The following DENND2B variants were observed in gnomAD, a reference collection of about 807,000 sequenced individuals.
DENND2B encodes DENN domain containing 2B.
A neutral mutation model predicts 116.0 loss-of-function variants in DENND2B; 32 were observed. The ratio of observed to expected loss-of-function variants is 0.28; its 90% CI spans 0.21 to 0.37. The LOEUF is 0.37. DENND2B is among the 10% of genes least tolerant of loss of function. The pLI is 1.00. For missense variants in DENND2B, 1,276 were observed against 1,477.7 expected, an observed-to-expected ratio of 0.86 and a Z score of 2.24; for synonymous variants, 588 against 583.9, an observed-to-expected ratio of 1.01 and a Z score of -0.10.
intron 1 of DENND2B, among the ~76,000 whole-genome samples, chr11:8,894,273 T>TA (rs2064071512): frequency 1.3e-5 from 2 of 152,148 alleles, no homozygotes; most frequent in East Asian, 3.9e-4. Context: ...ACTTAAATGT[T>TA]CGACCTAAAA....
chr11:8,728,008 C>CACAT (rs1565746524), intron 3 of DENND2B, among the ~76,000 whole-genome samples: 1 of 110,046 alleles, frequency 9.1e-6, no homozygotes, highest in African/African-American at 3.5e-5. Flanking sequence ...CACACACACA[C>CACAT]GCAAATTTTT....
chr11:8,738,696 A>T lies in DENND2B; in HGVS notation c.81-7487T>A, dbSNP rs565369152. Among the ~76,000 whole-genome samples the T allele has an allele frequency of 1.7e-3, 253 of 152,206 alleles. 1 individual carries two copies. Among genetic ancestry groups the T allele is most frequent in the Middle Eastern group, 3.4e-3 (1 of 294 alleles). ...TTGATCCATCCTCTCATCTTCTGACATTTTCCCAAAATGAAAAACTGATCA... is the reference window on the plus strand; with the variant it reads ...TTGATCCATCCTCTCATCTTCTGACTTTTTCCCAAAATGAAAAACTGATCA... On this transcript the variant is annotated intron_variant, in intron 2 of 19. Coordinates refer to ENST00000313726, the MANE Select transcript of DENND2B (RefSeq NM_213618.2).
At chr11:8,769,290 T>C (rs1011075678) in intron 1 of DENND2B, among the ~76,000 whole-genome samples, 1 of 149,790 alleles carries the variant, frequency 6.7e-6, no homozygotes, top group Non-Finnish European at 1.5e-5. Flanking sequence ...TAGGCTGGAG[T>C]GCAGTGGTGC....
chr11:8,798,407 A>G (rs1247024106), intron 1 of DENND2B, among the ~76,000 whole-genome samples: 1 of 152,226 alleles, frequency 6.6e-6, no homozygotes, highest in Admixed American at 6.5e-5. Flanking sequence ...AATTAAAAAG[A>G]GAACAGACTG....
chr11:8,698,714 A>G (rs2040913301), intron 16 of DENND2B, among the ~76,000 whole-genome samples: 1 of 152,184 alleles, frequency 6.6e-6, no homozygotes, highest in African/African-American at 2.4e-5. Flanking sequence ...TGTTCTTCAA[A>G]TTCCCACACT....
chr11:8,738,732 T>G (rs912248103), intron 2 of DENND2B, among the ~76,000 whole-genome samples: 7 of 152,188 alleles, frequency 4.6e-5, no homozygotes, highest in African/African-American at 1.7e-4. Flanking sequence ...TGCTTGAAAC[T>G]CCTCATATCT....
chr11:8,788,942 T>C (rs982541474), intron 1 of DENND2B, among the ~76,000 whole-genome samples: 7 of 152,218 alleles, frequency 4.6e-5, no homozygotes, highest in African/African-American at 9.7e-5. Flanking sequence ...AAATCCATGA[T>C]TCATCACAAA....
At chr11:8,727,517 C>T (rs1039706079) in intron 3 of DENND2B, among the ~76,000 whole-genome samples, 1 of 152,134 alleles carries the variant, frequency 6.6e-6, no homozygotes, top group African/African-American at 2.4e-5. Context: ...TTTAAGTGTC[C>T]GGGTCTCTCA....
chr11:8,808,396 C>A (rs1182974799), intron 1 of DENND2B: 1 of 152,164 alleles, frequency 6.6e-6, no homozygotes, highest in Non-Finnish European at 1.5e-5. Flanking sequence ...CTCCTCTATA[C>A]TATATATAAA....
upstream of DENND2B, among the ~76,000 whole-genome samples, chr11:8,876,080 A>C (rs1322812078): frequency 6.6e-6 from 1 of 152,194 alleles, no homozygotes; most frequent in South Asian, 2.1e-4. Flanking sequence ...CAAGATCTTA[A>C]GAGAAGAATT....
chr11:8,801,875 T>C (rs920172480), intron 1 of DENND2B, among the ~76,000 whole-genome samples: 29 of 150,618 alleles, frequency 1.9e-4, no homozygotes, highest in African/African-American at 6.6e-4. Flanking sequence ...GTGGTGCACA[T>C]TTGTTACTCC....
At position 8,699,381 on chromosome 11, in the gene DENND2B, G is replaced by C; in HGVS notation, c.2730C>G (p.Ser910=). The change falls in exon 15 of 20, where the codon TCC becomes TCG. Residue 910 remains serine, a synonymous_variant. Coordinates refer to ENST00000313726, the MANE Select transcript of DENND2B (RefSeq NM_213618.2). ...IFVADKLSTL[S]SCSHAVVALL... ...AGGCCACCACCGCGTGGGAGCAGCT[G>C]GAGAGGGTACTGATGGGCAGACAGA... 1.2e-6 allele frequency: 2 copies of C among 1,602,674 alleles called. No homozygotes were observed. Among genetic ancestry groups the C allele is most frequent in the South Asian group, 2.2e-5 (2 of 89,614 alleles).
intron 2 of DENND2B, among the ~76,000 whole-genome samples, chr11:8,869,656 GA>G (rs768106640): frequency 1.1e-4 from 15 of 137,138 alleles, no homozygotes; most frequent in East Asian, 2.1e-4. Context: ...ACTCCGTCTC[GA>G]AAAAAAAAAA....
chr11:8,856,519 A>G (rs1461109694), intron 3 of DENND2B, among the ~76,000 whole-genome samples: 3 of 152,166 alleles, frequency 2.0e-5, no homozygotes, highest in Non-Finnish European at 4.4e-5. Flanking sequence ...GCTTGAGCAC[A>G]ACTTATCCGT....
chr11:8,752,695 T>C (rs2052767949), intron 1 of DENND2B, among the ~76,000 whole-genome samples: 1 of 152,156 alleles, frequency 6.6e-6, no homozygotes, highest in African/African-American at 2.4e-5. Flanking sequence ...GTACCATATA[T>C]TCTTAGCTAA....
chr11:8,763,445 A>T (rs74053172), intron 1 of DENND2B, among the ~76,000 whole-genome samples: 1 of 152,224 alleles, frequency 6.6e-6, no homozygotes, highest in African/African-American at 2.4e-5. Context: ...GAGAATGTGC[A>T]TAACAACACT....
At chr11:8,718,133 G>T in intron 4 of DENND2B, 1 of 38,766 alleles carries the variant, frequency 2.6e-5, no homozygotes, top group Non-Finnish European at 5.2e-5. Flanking sequence ...CCCCAGCCCA[G>T]CTCAGCCTGG....
At chr11:8,803,747 C>G (rs2060563005) in intron 1 of DENND2B, among the ~76,000 whole-genome samples, 1 of 152,120 alleles carries the variant, frequency 6.6e-6, no homozygotes, top group African/African-American at 2.4e-5. Flanking sequence ...CAGATGAAAA[C>G]AGAGGTTTAC....
chr11:8,740,968 C>T (rs1056385227), intron 2 of DENND2B, among the ~76,000 whole-genome samples: 5 of 152,194 alleles, frequency 3.3e-5, no homozygotes, highest in Non-Finnish European at 7.3e-5. Context: ...GAAACTTGCC[C>T]AGTAACAAGA....
Sources: gnomAD v4.1 joint callset for allele counts (sites outside exome capture counted in the v4.1 genomes callset) on GRCh38, gnomAD v4.1.1 for gene constraint, MANE v1.5 for transcripts, NCBI Gene and HGNC (gene_info 2026-07-23, HGNC 2026-07-21) for gene names.